GPC5: variants seen among roughly 807,000 people sequenced by gnomAD.
GPC5 encodes glypican-5.
GPC5 carries 47 observed loss-of-function variants against 53.9 expected under a neutral mutation model. The observed-to-expected ratio is 0.87, with a 90% CI of 0.69 to 1.11. The LOEUF is 1.11. GPC5 is among the 50% of genes most tolerant of loss of function. GPC5 has a pLI of 0.00. For missense variants in GPC5, 748 were observed against 713.1 expected, an observed-to-expected ratio of 1.05 and a Z score of -0.56; for synonymous variants, 286 against 263.3, an observed-to-expected ratio of 1.09 and a Z score of -0.84.
intron 7 of GPC5, among the ~76,000 whole-genome samples, chr13:92,198,524 CT>C (rs1447859057): frequency 6.6e-6 from 1 of 152,156 alleles, no homozygotes; most frequent in Non-Finnish European, 1.5e-5. Flanking sequence ...ATTATTCTTG[CT>C]TCCATCATGA....
intron 7 of GPC5, among the ~76,000 whole-genome samples, chr13:92,694,559 T>G (rs1378999449): frequency 6.6e-6 from 1 of 152,236 alleles, no homozygotes; most frequent in Non-Finnish European, 1.5e-5. Context: ...TGCATGGGCC[T>G]GTCATCCCTT....
intron 7 of GPC5, among the ~76,000 whole-genome samples, chr13:92,222,171 G>A (rs2042454155): frequency 6.6e-6 from 1 of 152,150 alleles, no homozygotes; most frequent in Admixed American, 6.5e-5. Context: ...GGCATCATGT[G>A]CCACTGTGTC....
chr13:91,960,206 C>T (rs1400006098), intron 6 of GPC5, among the ~76,000 whole-genome samples: 1 of 150,438 alleles, frequency 6.6e-6, no homozygotes, highest in African/African-American at 2.4e-5. Flanking sequence ...ATACTCTTTA[C>T]AGCTGATAAA....
intron 6 of GPC5, among the ~76,000 whole-genome samples, chr13:91,911,066 A>G (rs1459852450): frequency 6.6e-6 from 1 of 152,172 alleles, no homozygotes; most frequent in Non-Finnish European, 1.5e-5. Flanking sequence ...CAGAAGGAAA[A>G]GTAGGCGCAA....
intron 6 of GPC5, among the ~76,000 whole-genome samples, chr13:92,007,223 A>G (rs774262514): frequency 2.6e-5 from 4 of 152,180 alleles, no homozygotes; most frequent in Admixed American, 2.6e-4. Flanking sequence ...AGGCCAGCAT[A>G]CATATTTTAA....
At chr13:92,230,729 A>G (rs898089116) in intron 7 of GPC5, among the ~76,000 whole-genome samples, 4 of 152,142 alleles carry the variant, frequency 2.6e-5, no homozygotes, top group Non-Finnish European at 5.9e-5. Context: ...ATATACTGCC[A>G]ATTATTCCTT....
intron 7 of GPC5, among the ~76,000 whole-genome samples, chr13:92,400,361 A>G (rs1231961839): frequency 6.6e-6 from 1 of 152,174 alleles, no homozygotes; most frequent in Admixed American, 6.5e-5. Context: ...AGAGGGGAAG[A>G]TCTCATCTAT....
intron 4 of GPC5, among the ~76,000 whole-genome samples, chr13:91,741,059 C>T (rs1047860920): frequency 1.3e-5 from 2 of 152,064 alleles, no homozygotes; most frequent in Non-Finnish European, 2.9e-5. Flanking sequence ...AGGGGATTGG[C>T]TGCATGCATG....
intron 7 of GPC5, among the ~76,000 whole-genome samples, chr13:92,348,876 C>T (rs998154954): frequency 2.6e-5 from 4 of 151,954 alleles, no homozygotes; most frequent in Non-Finnish European, 5.9e-5. Flanking sequence ...TTGAGACAAA[C>T]AAAAGTGGAA....
chr13:91,399,340 G>A, intron 1 of GPC5, 131 bp downstream of exon 1: 2 of 1,155,308 alleles, frequency 1.7e-6, no homozygotes, highest in Non-Finnish European at 2.4e-6. Context: ...GAATCCCGGG[G>A]AGGCTTCCGG....
intron 7 of GPC5, among the ~76,000 whole-genome samples, chr13:92,630,534 T>C (rs1334773359): frequency 6.6e-6 from 1 of 152,118 alleles, no homozygotes; most frequent in Admixed American, 6.6e-5. Flanking sequence ...ATGAAAACTC[T>C]ATAAAAGATA....
chr13:92,159,208 T>C (rs2041967959), intron 7 of GPC5, among the ~76,000 whole-genome samples: 1 of 152,206 alleles, frequency 6.6e-6, no homozygotes, highest in Admixed American at 6.5e-5. Flanking sequence ...GGTATTATAC[T>C]TTTATTTTTT....
intron 6 of GPC5, among the ~76,000 whole-genome samples, chr13:92,064,626 G>C (rs2041151482): frequency 6.6e-6 from 1 of 151,804 alleles, no homozygotes. Context: ...CGTGGTGGGG[G>C]GGCGCCTGTA....
intron 7 of GPC5, among the ~76,000 whole-genome samples, chr13:92,718,664 C>T (rs140405022): frequency 3.3e-5 from 5 of 151,886 alleles, no homozygotes; most frequent in East Asian, 1.9e-4. Flanking sequence ...CTACAGTCAA[C>T]GGGGTTAAAG....
intron 6 of GPC5, among the ~76,000 whole-genome samples, chr13:92,111,583 CAAAAA>C (rs34294679): frequency 1.3e-5 from 2 of 148,982 alleles, no homozygotes; most frequent in African/African-American, 4.9e-5. Flanking sequence ...CTCTGCCCCA[CAAAAA>C]AAAAATGAAA....
chr13:92,859,975 A>G (rs1408748579), intron 7 of GPC5, among the ~76,000 whole-genome samples: 1 of 152,114 alleles, frequency 6.6e-6, no homozygotes, highest in Non-Finnish European at 1.5e-5. Flanking sequence ...CCAGAAAAAA[A>G]AGTCTAGTTA....
At chr13:92,643,962 T>C (rs1218047562) in intron 7 of GPC5, among the ~76,000 whole-genome samples, 35 of 152,216 alleles carry the variant, frequency 2.3e-4, no homozygotes, top group Non-Finnish European at 3.1e-4. Context: ...GTTACATGAC[T>C]GGCCAAAATA....
chr13:92,715,188 T>G (rs532926288), intron 7 of GPC5, among the ~76,000 whole-genome samples: 84 of 152,322 alleles, frequency 5.5e-4, no homozygotes, highest in African/African-American at 1.9e-3. Flanking sequence ...TCAAAACAGT[T>G]GAATAGAGTG....
At chr13:91,729,262 T>C (rs1433510883) in intron 4 of GPC5, among the ~76,000 whole-genome samples, 2 of 152,170 alleles carry the variant, frequency 1.3e-5, no homozygotes, top group Non-Finnish European at 2.9e-5. Context: ...GTGTCCATCA[T>C]ATTTCACAGG....
Sources: gnomAD v4.1 joint callset for allele counts (sites outside exome capture counted in the v4.1 genomes callset) on GRCh38, gnomAD v4.1.1 for gene constraint, MANE v1.5 for transcripts, NCBI Gene and HGNC (gene_info 2026-07-23, HGNC 2026-07-21) for gene names.